IGFBPL1: variants seen among roughly 807,000 people sequenced by gnomAD.
IGFBPL1 encodes insulin-like growth factor-binding protein-like 1.
IGFBPL1 carries 20 observed loss-of-function variants against 23.9 expected under a neutral mutation model. That is an observed-to-expected ratio of 0.84 (90% CI 0.59 to 1.22). The LOEUF (loss-of-function observed/expected upper bound fraction) is 1.22, where lower values mean the gene tolerates loss of function less well. IGFBPL1 is among the 50% of genes most tolerant of loss of function. The pLI, the probability that IGFBPL1 is intolerant of heterozygous loss-of-function variation, is 0.00. For missense variants in IGFBPL1, 436 were observed against 379.3 expected (o/e 1.15, Z -1.24); for synonymous variants, 184 against 171.8 (o/e 1.07, Z -0.56).
rs11790019 is a variant in IGFBPL1, at chr9:38,408,346, C to T, written c.*881G>A. ...AGGAGGCTGAGGTGGAACGATCACT[C>T]GAGCCCAGAAAGTGGAGGTTGCAGT... On this transcript the variant is annotated 3_prime_UTR_variant, in exon 5 of 5. Coordinates refer to ENST00000377694, the MANE Select transcript of IGFBPL1 (RefSeq NM_001007563.3). 0.17 allele frequency among the ~76,000 whole-genome samples: 25,114 copies of T among 151,044 alleles called. 2,489 individuals are homozygous for T. The highest frequency in any genetic ancestry group is 0.45 in the East Asian group (2,281 of 5,118).
At position 38,408,253 on chromosome 9, in the gene IGFBPL1, CAAAAAAAAAAAAA is replaced by C. The variant is rs35229194; in HGVS notation, c.*961_*973del. On this transcript the variant is annotated 3_prime_UTR_variant, in exon 5 of 5. Transcript: ENST00000377694. ...GCAACATAGGGAGACCCTGTCTCTA[CAAAAAAAAAAAAA>C]AAAAAAAAAAAAATAGCTGGGTGTG... Among the ~76,000 whole-genome samples, 21 of 70,194 alleles carry C rather than the reference CAAAAAAAAAAAAA, an allele frequency of 3.0e-4. No individual in the cohort carries two copies. Among genetic ancestry groups the C allele is most frequent in the Admixed American group, 7.6e-4 (5 of 6,558 alleles). 46.0% of individuals were successfully genotyped at this position (70,194 alleles called of 152,430 possible). A position where few individuals can be genotyped will look rare whatever the true frequency, so the allele number is the denominator to read the frequency against.
chr9:38,414,229 AG>A (rs756900493), intron 1 of IGFBPL1, 26 bp from the exon 2 acceptor site: 4 of 1,451,014 alleles, frequency 2.8e-6, no homozygotes, highest in Non-Finnish European at 3.8e-6. Context: ...AAGGAGACGC[AG>A]CCTTTACCCT....
At chr9:38,416,100 C>T (rs554130039) in intron 1 of IGFBPL1, among the ~76,000 whole-genome samples, 10 of 152,232 alleles carry the variant, frequency 6.6e-5, no homozygotes, top group East Asian at 5.8e-4. Context: ...CACATTGTCC[C>T]GCCAGCGCCT....
In IGFBPL1 at chr9:38,408,262, A is replaced by T. The variant is rs933653525; in HGVS notation, c.*965T>A. On this transcript the variant is annotated 3_prime_UTR_variant, in exon 5 of 5. Coordinates refer to ENST00000377694, the MANE Select transcript of IGFBPL1 (RefSeq NM_001007563.3). Reference sequence around the variant, plus strand: ...GGAGACCCTGTCTCTACAAAAAAAAAAAAAAAAAAAAAAAAAATAGCTGGG... The same window carrying T: ...GGAGACCCTGTCTCTACAAAAAAAATAAAAAAAAAAAAAAAAATAGCTGGG... 7.7e-5 allele frequency among the ~76,000 whole-genome samples: 8 copies of T among 104,136 alleles called. No homozygotes were observed. The highest frequency in any genetic ancestry group is 2.9e-4 in the African/African-American group (8 of 27,228). 68.3% of individuals were successfully genotyped at this position (104,136 alleles called of 152,430 possible).
intron 3 of IGFBPL1, among the ~76,000 whole-genome samples, chr9:38,412,228 A>T (rs1348455410): frequency 1.3e-5 from 2 of 152,190 alleles, no homozygotes; most frequent in Non-Finnish European, 2.9e-5. Context: ...TGGTGTACGC[A>T]CATCAGCTCG....
intron 4 of IGFBPL1, among the ~76,000 whole-genome samples, chr9:38,409,879 T>C (rs1821485001): frequency 1.3e-5 from 2 of 152,120 alleles, no homozygotes; most frequent in South Asian, 4.1e-4. Flanking sequence ...CTTCCTTCAT[T>C]TTCCCCAGTT....
At chr9:38,414,061 AC>A (rs1821556768) in intron 2 of IGFBPL1, 32 bp downstream of exon 2, 1 of 1,241,284 alleles carries the variant, frequency 8.1e-7, no homozygotes, top group Non-Finnish European at 1.2e-6. Context: ...ACACACACAC[AC>A]ACGAGATGCA....
chr9:38,411,628 G>C (rs1821514731), intron 3 of IGFBPL1, 79 bp from the exon 4 acceptor site: 1 of 1,193,080 alleles, frequency 8.4e-7, no homozygotes, highest in Non-Finnish European at 1.2e-6. Context: ...TTAATGATAA[G>C]TCTGCACACT....
intron 3 of IGFBPL1, among the ~76,000 whole-genome samples, chr9:38,412,418 A>G (rs537384038): frequency 6.6e-6 from 1 of 152,268 alleles, no homozygotes; most frequent in Non-Finnish European, 1.5e-5. Context: ...ACGACCCAAC[A>G]TGGACCCCTA....
rs985407363 is a variant in IGFBPL1 at position 38,423,897 on chromosome 9, T to G, written c.460+68A>C. ...CGTCCACCACTGGGCAGGGGGATCC[T>G]TCGCTCCACACCCCAGAGGGTTGGA... On this transcript the variant is annotated intron_variant, in intron 1 of 4. Transcript: ENST00000377694. The G allele has an allele frequency of 6.0e-5, 77 of 1,279,764 alleles. No individual in the cohort carries two copies. The Middle Eastern group carries it at 1.8e-3, about 30-fold the overall frequency. The allele number at this position is 1,279,764 out of a possible 1,614,324, so 79.3% of individuals were successfully genotyped here.
chr9:38,413,378 G>A lies in IGFBPL1; in HGVS notation c.571-25C>T, dbSNP rs138427107. 1,920 of 1,496,648 alleles carry A rather than the reference G, an allele frequency of 1.3e-3. 88 individuals are homozygous for A. The East Asian group carries it at 0.043, about 34-fold the overall frequency. 92.7% of individuals were successfully genotyped at this position (1,496,648 alleles called of 1,614,324 possible). ...CCTACAGGGGACAGGAATGCCAGGAGGGGGCTTAGAAAAAGCAATTCTGGA... is the reference window on the plus strand; with the variant it reads ...CCTACAGGGGACAGGAATGCCAGGAAGGGGCTTAGAAAAAGCAATTCTGGA... On this transcript the variant is annotated intron_variant, in intron 2 of 4. Transcript: ENST00000377694.
chr9:38,409,317 G>A (rs967487568), intron 4 of IGFBPL1, 100 bp from the exon 5 acceptor site: 2 of 152,200 alleles, frequency 1.3e-5, no homozygotes, highest in African/African-American at 4.8e-5. Flanking sequence ...CCTTCACTTC[G>A]AATCTCTCCC....
At chr9:38,413,935 C>A (rs1821553487) in intron 2 of IGFBPL1, among the ~76,000 whole-genome samples, 159 bp downstream of exon 2, 1 of 151,918 alleles carries the variant, frequency 6.6e-6, no homozygotes, top group African/African-American at 2.4e-5. Flanking sequence ...CAGATGATAT[C>A]TTTTCTTCAT....
intron 1 of IGFBPL1, among the ~76,000 whole-genome samples, chr9:38,422,943 C>T (rs1191562514): frequency 6.6e-6 from 1 of 152,130 alleles, no homozygotes; most frequent in Non-Finnish European, 1.5e-5. Context: ...AAAGTCTGGA[C>T]TTGGTCTCTG....
rs377381022 is a variant in IGFBPL1, at chr9:38,410,415, A to G, written c.*9+976T>C. Among the ~76,000 whole-genome samples, 1,452 of 151,204 alleles carry G rather than the reference A, an allele frequency of 9.6e-3. 16 individuals carry two copies. Among genetic ancestry groups the G allele is most frequent in the African/African-American group, 0.034 (1,384 of 41,164 alleles). Reference sequence around the variant, plus strand: ...GGAGAGTGGCGTGAACCCAGGAGGCAGAGCTTGCAGTGAGCCGAGATCGCA... The same window carrying G: ...GGAGAGTGGCGTGAACCCAGGAGGCGGAGCTTGCAGTGAGCCGAGATCGCA... On this transcript the variant is annotated intron_variant, in intron 4 of 4. Coordinates refer to ENST00000377694, the MANE Select transcript of IGFBPL1 (RefSeq NM_001007563.3).
Position 38,424,239 on chromosome 9 carries a change from C to G in IGFBPL1, c.186G>C (p.Glu62Asp). 1.7e-6 allele frequency: 2 copies of G among 1,209,256 alleles called. No individual in the cohort carries two copies. Among genetic ancestry groups the G allele is most frequent in the Non-Finnish European group, 2.1e-6 (2 of 974,326 alleles). The allele number at this position is 1,209,256 out of a possible 1,614,324, so 74.9% of individuals were successfully genotyped here. A position where few individuals can be genotyped will look rare whatever the true frequency, so the allele number is the denominator to read the frequency against. Reference protein sequence around the residue: ...CPAPGISALDECGCCARCLGA... With the variant: ...CPAPGISALDDCGCCARCLGA... ...CCAGGCAGCGGGCGCAGCAGCCGCA[C>G]TCGTCGAGCGCCGAGATCCCGGGCG... Residue 62 changes from glutamate to aspartate, a missense_variant, in exon 1 of 5, where the codon GAG (glutamate) becomes GAC (aspartate). Coordinates refer to ENST00000377694, the MANE Select transcript of IGFBPL1 (RefSeq NM_001007563.3).
chr9:38,414,278 C>G (rs1025806796), intron 1 of IGFBPL1, 75 bp from the exon 2 acceptor site: 1 of 806,570 alleles, frequency 1.2e-6, no homozygotes, highest in Non-Finnish European at 2.0e-6. Context: ...ATTCCCCTGC[C>G]GCGGAGAGCC....
At chr9:38,419,786 G>A (rs1468084373) in intron 1 of IGFBPL1, among the ~76,000 whole-genome samples, 1 of 152,146 alleles carries the variant, frequency 6.6e-6, no homozygotes, top group East Asian at 1.9e-4. Context: ...AATTCAGAAT[G>A]TATCGAAGAC....
intron 1 of IGFBPL1, among the ~76,000 whole-genome samples, chr9:38,422,144 A>G (rs904759794): frequency 1.3e-5 from 2 of 152,170 alleles, no homozygotes; most frequent in Non-Finnish European, 2.9e-5. Context: ...ACTTAATACT[A>G]TTAAGTCCTG....
Sources: allele counts gnomAD v4.1 joint callset (sites outside exome capture counted in the v4.1 genomes callset), GRCh38; gene constraint gnomAD v4.1.1; transcripts MANE v1.5; gene names NCBI Gene and HGNC (gene_info 2026-07-23, HGNC 2026-07-21).